TAB2: variants seen among roughly 807,000 people sequenced by gnomAD.
TAB2 encodes TGF-beta activated kinase 1 (MAP3K7) binding protein 2.
A neutral mutation model predicts 65.0 loss-of-function variants in TAB2; 3 were observed. That is an observed-to-expected ratio of 0.05 (90% CI 0.02 to 0.12). The LOEUF (loss-of-function observed/expected upper bound fraction) is 0.12, where lower values mean the gene tolerates loss of function less well. Among genes scored for constraint, TAB2 ranks in the 10% least tolerant of loss-of-function variants. The pLI is 1.00. For synonymous variants in TAB2, 298 were observed against 285.1 expected, an observed-to-expected ratio of 1.05 and a Z score of -0.46; for missense variants, 623 against 840.3, an observed-to-expected ratio of 0.74 and a Z score of 3.20.
chr6:149,236,499 C>T (rs1234635883), intron 1 of TAB2, among the ~76,000 whole-genome samples: 1 of 152,168 alleles, frequency 6.6e-6, no homozygotes, highest in Non-Finnish European at 1.5e-5. Context: ...AATGAGAACC[C>T]AATACAACAC....
chr6:149,361,192 C>T (rs1477090704), intron 1 of TAB2, among the ~76,000 whole-genome samples: 1 of 152,232 alleles, frequency 6.6e-6, no homozygotes, highest in African/African-American at 2.4e-5. Flanking sequence ...TTTTCCCTCC[C>T]TACAGCCCTA....
At chr6:149,258,099 C>A (rs1778077440) in intron 1 of TAB2, among the ~76,000 whole-genome samples, 1 of 152,152 alleles carries the variant, frequency 6.6e-6, no homozygotes, top group Admixed American at 6.5e-5. Flanking sequence ...CTGGATGCGG[C>A]CTGGGATTTG....
chr6:149,290,829 G>A (rs1025321106), intron 1 of TAB2, among the ~76,000 whole-genome samples: 1 of 152,120 alleles, frequency 6.6e-6, no homozygotes, highest in Non-Finnish European at 1.5e-5. Flanking sequence ...TGGGCAACAG[G>A]AGTGAAACCC....
At chr6:149,285,517 G>A (rs1172891155) in intron 1 of TAB2, among the ~76,000 whole-genome samples, 1 of 152,182 alleles carries the variant, frequency 6.6e-6, no homozygotes, top group African/African-American at 2.4e-5. Context: ...TGCAAAATCT[G>A]GAAGCAACAA....
chr6:149,250,825 T>A (rs151222731), intron 1 of TAB2, among the ~76,000 whole-genome samples: 3,141 of 152,304 alleles, frequency 0.021, 50 homozygotes, highest in Middle Eastern at 0.031. Flanking sequence ...TGGGAACTCA[T>A]ATAACTACCT....
chr6:149,356,975 A>AT (rs35507447), intron 1 of TAB2, among the ~76,000 whole-genome samples: 1 of 152,184 alleles, frequency 6.6e-6, no homozygotes, highest in Non-Finnish European at 1.5e-5. Context: ...AGCATATCGT[A>AT]TTTTTTACAG....
intron 2 of TAB2, among the ~76,000 whole-genome samples, chr6:149,371,655 C>G (rs1186404331): frequency 6.6e-6 from 1 of 152,032 alleles, no homozygotes; most frequent in African/African-American, 2.4e-5. Flanking sequence ...AAAAACTACA[C>G]AGAGAGTTAA....
intron 6 of TAB2, among the ~76,000 whole-genome samples, chr6:149,402,154 G>T (rs989238762): frequency 9.9e-5 from 15 of 151,678 alleles, no homozygotes; most frequent in South Asian, 4.2e-4. Context: ...AAACTAAGAG[G>T]TTTTTTAAAA....
At chr6:149,279,702 C>T (rs1053370845) in intron 1 of TAB2, among the ~76,000 whole-genome samples, 21 of 152,184 alleles carry the variant, frequency 1.4e-4, no homozygotes, top group African/African-American at 4.1e-4. Flanking sequence ...TACTTGCTAA[C>T]GAATCTCAAG....
At position 149,336,352 on chromosome 6, in the gene TAB2, T is replaced by C. The variant is rs193166829; in HGVS notation, c.-90+18337T>C. Among the ~76,000 whole-genome samples, 247 of 152,306 alleles carry C rather than the reference T, an allele frequency of 1.6e-3. 1 individual carries two copies. The highest frequency in any genetic ancestry group is 2.3e-3 in the Non-Finnish European group (157 of 68,022). ...GTCTGTTTTAACTCCTTAGTGGAAC[T>C]TTTGGCTTATCTTGATGTATTTTCT... is the stretch of plus-strand genomic sequence containing the variant. On this transcript the variant is annotated intron_variant, in intron 1 of 6. Transcript: ENST00000637181.
chr6:149,227,494 TGCCCACGATG>T (rs538838426), intron 1 of TAB2, among the ~76,000 whole-genome samples: 186 of 151,974 alleles, frequency 1.2e-3, no homozygotes, highest in African/African-American at 4.3e-3. Context: ...ACAAGGCAAA[TGCCCACGATG>T]CCAGGCCACT....
chr6:149,397,204 G>A (rs143080066), intron 3 of TAB2, among the ~76,000 whole-genome samples: 29 of 152,348 alleles, frequency 1.9e-4, no homozygotes, highest in African/African-American at 6.5e-4. Context: ...CACTTTGGTA[G>A]GCCAAGGCAG....
intron 1 of TAB2, among the ~76,000 whole-genome samples, chr6:149,271,759 G>T (rs1454770361): frequency 6.6e-6 from 1 of 152,172 alleles, no homozygotes; most frequent in Non-Finnish European, 1.5e-5. Flanking sequence ...AAATGGAGGT[G>T]TGGTAACTAA....
chr6:149,365,938 C>G (rs1214462782), intron 1 of TAB2, among the ~76,000 whole-genome samples: 1 of 151,928 alleles, frequency 6.6e-6, no homozygotes, highest in African/African-American at 2.4e-5. Flanking sequence ...TTTTTTAGTT[C>G]TTAAATTTTT....
intron 1 of TAB2, among the ~76,000 whole-genome samples, chr6:149,261,962 G>A (rs1218017563): frequency 6.6e-6 from 1 of 152,236 alleles, no homozygotes; most frequent in Non-Finnish European, 1.5e-5. Context: ...AAGCAGCTGG[G>A]ACTTTGATTG....
intron 1 of TAB2, among the ~76,000 whole-genome samples, chr6:149,300,494 G>A (rs917283352): frequency 1.3e-5 from 2 of 152,150 alleles, no homozygotes; most frequent in Admixed American, 6.5e-5. Context: ...AAAATTACAC[G>A]ATTCTGTGAG....
chr6:149,410,165 A>G lies in TAB2; in HGVS notation c.*446A>G, dbSNP rs2114980618. 1 of 196,360 alleles carries G rather than the reference A, an allele frequency of 5.1e-6. No homozygotes were observed. Among genetic ancestry groups the G allele is most frequent in the East Asian group, 1.3e-4 (1 of 7,492 alleles). 12.2% of individuals were successfully genotyped at this position (196,360 alleles called of 1,614,324 possible). On this transcript the variant is annotated 3_prime_UTR_variant, in exon 7 of 7. Transcript: ENST00000637181. The stretch of plus-strand genomic sequence containing the variant: ...AACAAGGTTTAACTATTTAAGAACC[A>G]TTTGCTGCCGCATAGTGCCATTGGA...
chr6:149,405,409 A>G (rs59582367), intron 6 of TAB2, among the ~76,000 whole-genome samples: 7,844 of 152,298 alleles, frequency 0.052, 689 homozygotes, highest in African/African-American at 0.18. Context: ...CTGAGCATAT[A>G]TCCAAAGGAA....
chr6:149,218,686 A>G (rs1777074463), exon 1 of TAB2: 2 of 451,792 alleles, frequency 4.4e-6, no homozygotes, highest in Admixed American at 4.7e-5. Flanking sequence ...AGATCTAAAC[A>G]CCATCTGATC....
Sources: gnomAD v4.1 joint callset for allele counts (sites outside exome capture counted in the v4.1 genomes callset) on GRCh38, gnomAD v4.1.1 for gene constraint, MANE v1.5 for transcripts, NCBI Gene and HGNC (gene_info 2026-07-23, HGNC 2026-07-21) for gene names.